Variants in REDIC1 observed in about 807,000 individuals in gnomAD.
REDIC1 encodes the protein HEI10 Interacting Protein 1.
the REDIC1 span, among the ~76,000 whole-genome samples, chr12:39,741,357 T>C: frequency 6.6e-6 from 1 of 152,130 alleles, no homozygotes; most frequent in Non-Finnish European, 1.5e-5. Context: ...AGAATATCGA[T>C]AGACTTCAAC....
the REDIC1 span, among the ~76,000 whole-genome samples, chr12:39,878,755 G>A: frequency 1.3e-5 from 2 of 152,196 alleles, no homozygotes; most frequent in Non-Finnish European, 2.9e-5. Context: ...AAGCTTTTTT[G>A]GGAGAGGAAT....
chr12:39,894,694 A>G, the REDIC1 span, among the ~76,000 whole-genome samples: 1 of 152,220 alleles, frequency 6.6e-6, no homozygotes, highest in Non-Finnish European at 1.5e-5. Flanking sequence ...AGCAGATATG[A>G]TCAATCATTA....
chr12:39,756,057 C>T, the REDIC1 span: 4 of 151,736 alleles, frequency 2.6e-5, no homozygotes, highest in African/African-American at 4.8e-5. Flanking sequence ...CTGAATGTAC[C>T]GACAATTTAT....
the REDIC1 span, among the ~76,000 whole-genome samples, chr12:39,796,211 C>T: frequency 5.9e-5 from 9 of 152,132 alleles, no homozygotes; most frequent in African/African-American, 2.2e-4. Flanking sequence ...CATTCACTCC[C>T]ACGATGTAGG....
chr12:39,770,437 CA>C, the REDIC1 span, among the ~76,000 whole-genome samples: 1 of 152,150 alleles, frequency 6.6e-6, no homozygotes, highest in South Asian at 2.1e-4. Context: ...CATATTCATT[CA>C]AAAGCTTATA....
chr12:39,634,041 T>C, the REDIC1 span, among the ~76,000 whole-genome samples: 1 of 152,160 alleles, frequency 6.6e-6, no homozygotes, highest in Non-Finnish European at 1.5e-5. Context: ...ATTTTCACAT[T>C]ATTGATTCTT....
chr12:39,748,036 C>T, the REDIC1 span, among the ~76,000 whole-genome samples: 9 of 152,224 alleles, frequency 5.9e-5, no homozygotes, highest in South Asian at 8.3e-4. Flanking sequence ...GCAAAATAAC[C>T]AGCTAACATC....
chr12:39,686,822 A>G, the REDIC1 span, among the ~76,000 whole-genome samples: 1 of 152,194 alleles, frequency 6.6e-6, no homozygotes, highest in Admixed American at 6.5e-5. Flanking sequence ...GCTCACACAT[A>G]TGAACATAGG....
the REDIC1 span, among the ~76,000 whole-genome samples, chr12:39,702,528 C>T: frequency 6.6e-6 from 1 of 152,088 alleles, no homozygotes; most frequent in Non-Finnish European, 1.5e-5. Flanking sequence ...GGTACCATTC[C>T]TTCTGAAACT....
the REDIC1 span, among the ~76,000 whole-genome samples, chr12:39,667,118 G>C: frequency 2.0e-5 from 3 of 152,194 alleles, no homozygotes; most frequent in African/African-American, 7.2e-5. Context: ...GCTTTTGAAT[G>C]TGTTTGCTCT....
chr12:39,821,443 A>T, the REDIC1 span, among the ~76,000 whole-genome samples: 363 of 152,204 alleles, frequency 2.4e-3, 1 homozygote, highest in African/African-American at 8.3e-3. Flanking sequence ...GCCCTTCCAC[A>T]GGAGAATCCA....
the REDIC1 span, among the ~76,000 whole-genome samples, chr12:39,750,129 TC>T: frequency 6.6e-6 from 1 of 152,192 alleles, no homozygotes; most frequent in Non-Finnish European, 1.5e-5. Context: ...AGTCAAATTG[TC>T]CCTGTTTGCA....
At chr12:39,780,974 T>C in the REDIC1 span, among the ~76,000 whole-genome samples, 2,344 of 152,330 alleles carry the variant, frequency 0.015, 57 homozygotes, top group African/African-American at 0.051. Flanking sequence ...AATGAGGAGA[T>C]GGAAAGTCAT....
chr12:39,638,058 T>C, the REDIC1 span, among the ~76,000 whole-genome samples: 5 of 152,110 alleles, frequency 3.3e-5, no homozygotes, highest in African/African-American at 7.2e-5. Flanking sequence ...TGGTGTTAGG[T>C]ACAGGCTGCC....
At chr12:39,792,965 C>T in the REDIC1 span, among the ~76,000 whole-genome samples, 1 of 152,206 alleles carries the variant, frequency 6.6e-6, no homozygotes, top group South Asian at 2.1e-4. Flanking sequence ...AGGCATATAT[C>T]TACATTTTCC....
the REDIC1 span, chr12:39,764,992 G>GGGCCGGGCGCGGTGGCT: frequency 2.0e-6 from 2 of 1,019,284 alleles, no homozygotes; most frequent in Non-Finnish European, 2.8e-6. Context: ...TAAAAAATAA[G>GGGCCGGGCGCGGTGGCT]AACTAAATAT....
chr12:39,877,259 A>G, the REDIC1 span, among the ~76,000 whole-genome samples: 1 of 152,200 alleles, frequency 6.6e-6, no homozygotes, highest in Non-Finnish European at 1.5e-5. Flanking sequence ...AGGCCTCACA[A>G]TCATGGTGGA....
At chr12:39,902,289 A>G in the REDIC1 span, among the ~76,000 whole-genome samples, 2 of 152,010 alleles carry the variant, frequency 1.3e-5, no homozygotes, top group Non-Finnish European at 2.9e-5. Flanking sequence ...ATGTATACAT[A>G]TGTAACTAAC....
At chr12:39,649,490 A>T in the REDIC1 span, among the ~76,000 whole-genome samples, 3 of 151,104 alleles carry the variant, frequency 2.0e-5, no homozygotes, top group Non-Finnish European at 4.4e-5. Context: ...TCTTAGATGT[A>T]TTAGTTAGCT....
Sources: gnomAD v4.1 joint callset for allele counts (sites outside exome capture counted in the v4.1 genomes callset) on GRCh38, gnomAD v4.1.1 for gene constraint, MANE v1.5 for transcripts, NCBI Gene and HGNC (gene_info 2026-07-23, HGNC 2026-07-21) for gene names.